PTPRT: variants seen among roughly 807,000 people sequenced by gnomAD.
PTPRT encodes protein tyrosine phosphatase receptor type T, also known as receptor-type tyrosine-protein phosphatase T.
In PTPRT, 56 loss-of-function variants were observed where a neutral mutation model predicts 176.8. The observed-to-expected ratio is 0.32, with a 90% confidence interval of 0.26 to 0.40. The LOEUF (loss-of-function observed/expected upper bound fraction) is 0.40, where lower values mean the gene tolerates loss of function less well. Ranked by LOEUF, PTPRT falls within the 10% of genes least tolerant of loss-of-function variation. The pLI is 1.00. For missense variants in PTPRT, 1,540 were observed against 1,908.2 expected (o/e 0.81, Z 3.60); for synonymous variants, 783 against 739.0 (o/e 1.06, Z -0.96).
At chr20:42,187,950 C>T (rs1217137651) in intron 16 of PTPRT, among the ~76,000 whole-genome samples, 2 of 152,178 alleles carry the variant, frequency 1.3e-5, no homozygotes, top group South Asian at 2.1e-4. Context: ...CTCTGTGGGC[C>T]GCAGTTTCCC....
intron 6 of PTPRT, among the ~76,000 whole-genome samples, chr20:42,707,787 C>T (rs1008598658): frequency 2.0e-5 from 3 of 152,124 alleles, no homozygotes; most frequent in South Asian, 2.1e-4. Flanking sequence ...TACCCCATCT[C>T]GAAAATCAAA....
chr20:42,081,491 G>A (rs1051375015), intron 30 of PTPRT, among the ~76,000 whole-genome samples: 5 of 152,120 alleles, frequency 3.3e-5, no homozygotes, highest in Admixed American at 2.0e-4. Flanking sequence ...TTCCTCCATA[G>A]TACTCTCTAC....
intron 1 of PTPRT, among the ~76,000 whole-genome samples, chr20:43,132,296 G>A (rs2013668474): frequency 6.6e-6 from 1 of 151,976 alleles, no homozygotes. Flanking sequence ...TCAGTAGGTG[G>A]ATTTTAAAAA....
At position 42,820,791 on chromosome 20, in the gene PTPRT, G is replaced by A. The variant is rs150120379; in HGVS notation, c.215-29325C>T. Among the ~76,000 whole-genome samples the A allele has an allele frequency of 3.0e-3, 458 of 152,150 alleles. 3 individuals are homozygous for A. The highest frequency in any genetic ancestry group is 0.011 in the African/African-American group (442 of 41,530). On this transcript the variant is annotated intron_variant, in intron 2 of 30. Coordinates refer to ENST00000373187, the MANE Select transcript of PTPRT (RefSeq NM_007050.6). ...TCAGAGAATACTATAAAAACCTCAC[G>A]TAAATAAACTAGAAAATCTAGAAGA... is the stretch of plus-strand genomic sequence containing the variant.
chr20:42,195,586 T>C (rs1487033072), intron 16 of PTPRT, among the ~76,000 whole-genome samples: 1 of 152,188 alleles, frequency 6.6e-6, no homozygotes, highest in Non-Finnish European at 1.5e-5. Flanking sequence ...AGCTGTAGCC[T>C]GAGGACGTCA....
At chr20:42,314,430 G>A (rs1241165022) in intron 12 of PTPRT, among the ~76,000 whole-genome samples, 1 of 151,602 alleles carries the variant, frequency 6.6e-6, no homozygotes, top group East Asian at 1.9e-4. Flanking sequence ...TCGGGAGGCT[G>A]AGGCAGGAGA....
intron 26 of PTPRT, among the ~76,000 whole-genome samples, chr20:42,100,540 A>T (rs1985832980): frequency 6.6e-6 from 1 of 152,224 alleles, no homozygotes; most frequent in Non-Finnish European, 1.5e-5. Flanking sequence ...AGAGCTTGGC[A>T]GAAGGCATTT....
At chr20:42,446,860 T>A (rs1005044774) in intron 9 of PTPRT, among the ~76,000 whole-genome samples, 1 of 152,120 alleles carries the variant, frequency 6.6e-6, no homozygotes, top group Non-Finnish European at 1.5e-5. Context: ...GATGTCTGTT[T>A]CCTCCTTCCA....
intron 7 of PTPRT, among the ~76,000 whole-genome samples, chr20:42,634,094 AAT>A (rs1239421413): frequency 3.4e-4 from 16 of 46,552 alleles, no homozygotes; most frequent in African/African-American, 1.3e-3. Flanking sequence ...ATAATATAAT[AAT>A]ATATATATTA....
At chr20:42,089,642 C>T (rs1200645259) in intron 27 of PTPRT, among the ~76,000 whole-genome samples, 2 of 152,076 alleles carry the variant, frequency 1.3e-5, no homozygotes, top group Non-Finnish European at 2.9e-5. Context: ...TTTTCTAATC[C>T]TAAATCAGAG....
At chr20:43,065,107 C>T (rs1269112469) in intron 1 of PTPRT, among the ~76,000 whole-genome samples, 3 of 152,194 alleles carry the variant, frequency 2.0e-5, no homozygotes, top group Non-Finnish European at 4.4e-5. Flanking sequence ...ATCTCCTTCC[C>T]CTTTGCATCT....
At chr20:42,118,702 G>A (rs533171296) in intron 20 of PTPRT, among the ~76,000 whole-genome samples, 6 of 152,208 alleles carry the variant, frequency 3.9e-5, no homozygotes, top group Non-Finnish European at 8.8e-5. Flanking sequence ...GATGGGGAAA[G>A]GCTCATTCCA....
rs1600685917 is a variant in PTPRT at position 42,741,634 on chromosome 20, C to G, written c.859+14828G>C. Among the ~76,000 whole-genome samples the G allele has an allele frequency of 2.6e-5, 4 of 152,176 alleles. No homozygotes were observed. In the East Asian group the frequency reaches 7.7e-4, roughly 29 times the overall value. ...GTGCTGGGATTACAGGCATGAGCCA[C>G]CACACCCGGCCTTTTCTGTGATTTC... is the stretch of plus-strand genomic sequence containing the variant. On this transcript the variant is annotated intron_variant, in intron 6 of 30. Coordinates refer to ENST00000373187, the MANE Select transcript of PTPRT (RefSeq NM_007050.6).
At chr20:42,055,420 A>G in the PTPRT span, among the ~76,000 whole-genome samples, 1 of 152,226 alleles carries the variant, frequency 6.6e-6, no homozygotes, top group Non-Finnish European at 1.5e-5. Context: ...AGGTTTCAAG[A>G]TTCTCAGAGT....
intron 27 of PTPRT, among the ~76,000 whole-genome samples, chr20:42,095,867 T>C (rs926446546): frequency 6.6e-6 from 1 of 152,154 alleles, no homozygotes; most frequent in Non-Finnish European, 1.5e-5. Context: ...CAATAGACTC[T>C]CTCCGGAACG....
In PTPRT at chr20:42,350,239, T is replaced by TC. The variant is rs1555830471; in HGVS notation, c.1865+388_1865+389insG. Among the ~76,000 whole-genome samples, 9 of 138,524 alleles carry TC rather than the reference T, an allele frequency of 6.5e-5. No homozygotes were observed. In the South Asian group the frequency reaches 1.2e-3, roughly 19 times the overall value. 90.9% of individuals were successfully genotyped at this position (138,524 alleles called of 152,430 possible). A position where few individuals can be genotyped will look rare whatever the true frequency, so the allele number is the denominator to read the frequency against. ...GTTTTTTTTTTTTTTTTTTTTTTTT[T>TC]TTTTTTTGAGACAGGGTCTCACTTT... On this transcript the variant is annotated intron_variant, in intron 11 of 30. Coordinates refer to ENST00000373187, the MANE Select transcript of PTPRT (RefSeq NM_007050.6).
Position 43,106,120 on chromosome 20 carries a change from C to T in PTPRT, c.88+83526G>A, listed in dbSNP as rs573460350. On this transcript the variant is annotated intron_variant, in intron 1 of 30. Coordinates refer to ENST00000373187, the MANE Select transcript of PTPRT (RefSeq NM_007050.6). ...AACAACCAACTGCAGCAGACTGGTG[C>T]AGTAGGAACAGCATGAACCAGAGGT... 1.2e-4 allele frequency among the ~76,000 whole-genome samples: 18 copies of T among 152,216 alleles called. No homozygotes were observed. In the East Asian group the frequency reaches 2.7e-3, roughly 23 times the overall value.
intron 15 of PTPRT, among the ~76,000 whole-genome samples, chr20:42,223,942 T>C (rs757533914): frequency 2.6e-5 from 4 of 152,286 alleles, no homozygotes; most frequent in Admixed American, 2.0e-4. Flanking sequence ...ATATTTACAA[T>C]CTTTACAAAA....
chr20:43,153,475 T>C (rs569683047), intron 1 of PTPRT, among the ~76,000 whole-genome samples: 2 of 152,208 alleles, frequency 1.3e-5, no homozygotes, highest in South Asian at 4.1e-4. Context: ...AGTACTAAAA[T>C]GGTATGTAAG....
Sources: gnomAD v4.1 joint callset for allele counts (sites outside exome capture counted in the v4.1 genomes callset) on GRCh38, gnomAD v4.1.1 for gene constraint, MANE v1.5 for transcripts, NCBI Gene and HGNC (gene_info 2026-07-23, HGNC 2026-07-21) for gene names.